HELZ: variants seen among roughly 807,000 people sequenced by gnomAD.
The protein encoded by HELZ is ATP-dependent RNA helicase with zinc finger domain.
Under a neutral mutation model 218.2 loss-of-function variants are expected in HELZ, and 23 were observed. That is an observed-to-expected ratio of 0.11 (90% confidence interval 0.08 to 0.15). The LOEUF (loss-of-function observed/expected upper bound fraction) is 0.15, where lower values mean the gene tolerates loss of function less well. Among genes scored for constraint, HELZ ranks in the 10% least tolerant of loss-of-function variants. The pLI is 1.00. For missense variants in HELZ, 1,813 were observed against 2,353.7 expected, an observed-to-expected ratio of 0.77 and a Z score of 4.75; for synonymous variants, 814 against 829.4, an observed-to-expected ratio of 0.98 and a Z score of 0.32.
chr17:67,200,260 G>A (rs1288654832), intron 7 of HELZ, among the ~76,000 whole-genome samples: 1 of 152,138 alleles, frequency 6.6e-6, no homozygotes, highest in African/African-American at 2.4e-5. Context: ...AAAAATTTGA[G>A]ACTTACAAAC....
intron 28 of HELZ, 124 bp from the exon 29 acceptor site, chr17:67,109,810 A>G (rs774283941): frequency 7.8e-6 from 5 of 637,484 alleles, no homozygotes; most frequent in Non-Finnish European, 1.3e-5. Flanking sequence ...AGGAGAGCTG[A>G]GTGCTCAATT....
chr17:67,234,147 C>A (rs1343096539), intron 3 of HELZ, among the ~76,000 whole-genome samples: 1 of 150,788 alleles, frequency 6.6e-6, no homozygotes, highest in Non-Finnish European at 1.5e-5. Flanking sequence ...ACGTGGGAGA[C>A]CCCCATCTCT....
In HELZ at chr17:67,178,930, A is replaced by G. The variant is rs2039532375; in HGVS notation, c.1163-4T>C. On this transcript the variant is annotated splice_region_variant and splice_polypyrimidine_tract_variant and intron_variant, in intron 12 of 32. Coordinates refer to ENST00000358691, the MANE Select transcript of HELZ (RefSeq NM_014877.4). ...GCATGCATCAGGTATTCGAGATCTAAATGGAAACAAAAAACACATTTATAA... is the reference window on the plus strand; with the variant it reads ...GCATGCATCAGGTATTCGAGATCTAGATGGAAACAAAAAACACATTTATAA... The G allele has an allele frequency of 5.1e-6, 8 of 1,568,592 alleles. No individual in the cohort carries two copies. Among genetic ancestry groups the G allele is most frequent in the Non-Finnish European group, 5.2e-6 (6 of 1,156,062 alleles).
chr17:67,125,084 C>A (rs2037739868), intron 24 of HELZ, among the ~76,000 whole-genome samples: 2 of 151,072 alleles, frequency 1.3e-5, no homozygotes, highest in South Asian at 4.2e-4. Context: ...GATTTACCTA[C>A]CTATCTAACT....
At chr17:67,211,905 A>G (rs1286591692) in intron 5 of HELZ, among the ~76,000 whole-genome samples, 2 of 152,056 alleles carry the variant, frequency 1.3e-5, no homozygotes, top group Non-Finnish European at 2.9e-5. Context: ...AAGGGAAGGG[A>G]AAGAAAAGAC....
At chr17:67,213,055 A>C (rs2040498989) in intron 5 of HELZ, among the ~76,000 whole-genome samples, 1 of 152,210 alleles carries the variant, frequency 6.6e-6, no homozygotes, top group Admixed American at 6.5e-5. Context: ...ATAATGCAAC[A>C]TTTGTCCATA....
chr17:67,140,310 T>C (rs1302710111), intron 21 of HELZ, among the ~76,000 whole-genome samples: 2 of 152,106 alleles, frequency 1.3e-5, no homozygotes, highest in Non-Finnish European at 2.9e-5. Context: ...GCTCCATAAG[T>C]TCTGCCCAGG....
intron 26 of HELZ, among the ~76,000 whole-genome samples, chr17:67,121,167 T>C (rs915273736): frequency 2.0e-5 from 3 of 152,218 alleles, no homozygotes; most frequent in Admixed American, 6.5e-5. Flanking sequence ...CAACTCCACC[T>C]TAAAATACAA....
At chr17:67,224,452 C>T (rs1000241932) in intron 3 of HELZ, 1 of 236,932 alleles carries the variant, frequency 4.2e-6, no homozygotes, top group African/African-American at 2.3e-5. Context: ...TTTTTTCCAG[C>T]TTAAGTCAGT....
chr17:67,204,446 C>T (rs1299594702), intron 5 of HELZ, among the ~76,000 whole-genome samples: 4 of 152,098 alleles, frequency 2.6e-5, no homozygotes, highest in Non-Finnish European at 5.9e-5. Context: ...GCCAACATGA[C>T]AGTTTGTATT....
Position 67,109,559 on chromosome 17 carries a change from G to A in HELZ, c.4046C>T (p.Pro1349Leu), listed in dbSNP as rs1336619865. The A allele has an allele frequency of 1.2e-6, 2 of 1,614,170 alleles. No individual in the cohort carries two copies. Residue 1349 changes from proline to leucine, a missense_variant, in exon 29 of 33, where the codon CCC (proline) becomes CTC (leucine). This residue lies in a region of HELZ where 938 missense variants were observed against 1,027.5 expected (regional missense o/e 0.91). Coordinates refer to ENST00000358691, the MANE Select transcript of HELZ (RefSeq NM_014877.4). The stretch of plus-strand genomic sequence containing the variant: ...ATTAGGGATTGCATACTGTGCGTGG[G>A]GAGCAGGAAGGGGAAGATTTATGTG... ...PRHINLPLPA[P>L]HAQYAIPNRH...
In HELZ at chr17:67,188,645, G is replaced by A. The variant is rs1275740780; in HGVS notation, c.865-29C>T. ...CAAGGAAGTTAAAATAATTCATTGA[G>A]TACAAGGGGGTGAAAAATCCAATTG... On this transcript the variant is annotated intron_variant, in intron 11 of 32. Coordinates refer to ENST00000358691, the MANE Select transcript of HELZ (RefSeq NM_014877.4). The surrounding 1 kb of genome is among the most constrained non-coding windows in gnomAD (Gnocchi z 4.1). The A allele has an allele frequency of 6.4e-7, 1 of 1,560,630 alleles. No homozygotes were observed. The highest frequency in any genetic ancestry group is 1.4e-5 in the African/African-American group (1 of 73,246).
chr17:67,222,969 CG>C (rs948146586), intron 3 of HELZ, among the ~76,000 whole-genome samples: 40 of 151,908 alleles, frequency 2.6e-4, no homozygotes, highest in African/African-American at 9.7e-4. Context: ...TAAGTGAGGC[CG>C]GGCACGGTGG....
chr17:67,206,620 C>T (rs1179592325), intron 5 of HELZ, among the ~76,000 whole-genome samples: 1 of 138,450 alleles, frequency 7.2e-6, no homozygotes, highest in Non-Finnish European at 1.5e-5. Context: ...TTTTTTAAGA[C>T]GGAGTTTCAC....
rs1000456036 is a variant in HELZ at position 67,084,998 on chromosome 17, C to T, written c.5494+1831G>A. Among the ~76,000 whole-genome samples the T allele has an allele frequency of 3.9e-5, 6 of 152,138 alleles. No homozygotes were observed. In the South Asian group the frequency reaches 1.0e-3, roughly 26 times the overall value. ...GCAGATGCCTGTAATCTCAGCTACT[C>T]GGGAGGCTGAGGCAGGAGGAATCGC... On this transcript the variant is annotated intron_variant, in intron 32 of 32. Coordinates refer to ENST00000358691, the MANE Select transcript of HELZ (RefSeq NM_014877.4).
chr17:67,103,579 G>A (rs2036993981), intron 31 of HELZ, among the ~76,000 whole-genome samples: 1 of 152,168 alleles, frequency 6.6e-6, no homozygotes, highest in African/African-American at 2.4e-5. Flanking sequence ...AAATACTGTT[G>A]AAAGAAATGT....
chr17:67,174,529 T>C (rs1361306281), intron 13 of HELZ, among the ~76,000 whole-genome samples: 1 of 152,192 alleles, frequency 6.6e-6, no homozygotes, highest in African/African-American at 2.4e-5. Context: ...CCAGGCATGG[T>C]AGCTCGCGCC....
rs531687723 is a variant in HELZ at position 67,138,105 on chromosome 17, C to T, written c.2779G>A (p.Val927Met). 2 of 1,608,510 alleles carry T rather than the reference C, an allele frequency of 1.2e-6. No homozygotes were observed. Among genetic ancestry groups the T allele is most frequent in the South Asian group, 2.2e-5 (2 of 90,010 alleles). The change falls in exon 22 of 33, where the codon GTG (valine) becomes ATG (methionine). Residue 927 changes from valine (V) to methionine (M), a missense_variant. Val to Met is a conservative substitution (Grantham distance 21). Coordinates refer to ENST00000358691, the MANE Select transcript of HELZ (RefSeq NM_014877.4). ...AFYNNAEVFE[V>M]VERVEELRRK... is the part of the protein sequence containing the mutation. ...CTTAACTCTTCTACACGTTCCACCACTTCAAACACCTTTAAAAACAAACAC... is the reference window on the plus strand; with the variant it reads ...CTTAACTCTTCTACACGTTCCACCATTTCAAACACCTTTAAAAACAAACAC...
At position 67,138,045 on chromosome 17, in the gene HELZ, C is replaced by A; in HGVS notation, c.2839G>T (p.Asp947Tyr). The A allele has an allele frequency of 8.1e-6, 13 of 1,613,940 alleles. No individual in the cohort carries two copies. The highest frequency in any genetic ancestry group is 1.1e-5 in the Non-Finnish European group (13 of 1,179,882). Residue 947 changes from aspartate to tyrosine, a missense_variant, in exon 22 of 33, where the codon GAT becomes TAT. By Grantham distance (160) the Asp-to-Tyr change is radical (BLOSUM62 -3). Transcript: ENST00000358691. ...GGAGTCACCACACCAATACTGCCAT[C>A]ATCTAACTTCCCCCACGCTACTGGC... ...KWPVAWGKLDDGSIGVVTPYA... is the reference protein window; with the variant it reads ...KWPVAWGKLDYGSIGVVTPYA...
Sources: allele counts gnomAD v4.1 joint callset (sites outside exome capture counted in the v4.1 genomes callset), GRCh38; gene constraint gnomAD v4.1.1; regional missense constraint gnomAD v4.1.1; non-coding constraint Gnocchi (gnomAD v3.1); transcripts MANE v1.5; gene names NCBI Gene and HGNC (gene_info 2026-07-23, HGNC 2026-07-21).